UACA: variants seen among roughly 807,000 people sequenced by gnomAD.
UACA encodes nuclear membrane binding protein.
UACA carries 112 observed loss-of-function variants against 160.5 expected under a neutral mutation model. The observed-to-expected ratio is 0.70, with a 90% CI of 0.60 to 0.82. The LOEUF (loss-of-function observed/expected upper bound fraction) is 0.82, where lower values mean the gene tolerates loss of function less well. Ranked by LOEUF, UACA falls within the 40% of genes least tolerant of loss-of-function variation. The pLI, the probability that UACA is intolerant of heterozygous loss-of-function variation, is 0.00. For missense variants in UACA, 1,574 were observed against 1,614.6 expected, an observed-to-expected ratio of 0.97 and a Z score of 0.43; for synonymous variants, 557 against 568.4, an observed-to-expected ratio of 0.98 and a Z score of 0.29.
At chr15:70,747,491 TC>T (rs780083470) in intron 1 of UACA, among the ~76,000 whole-genome samples, 1 of 152,226 alleles carries the variant, frequency 6.6e-6, no homozygotes, top group South Asian at 2.1e-4. Context: ...TGCCTCAGCC[TC>T]CCAAGTAGCG....
chr15:70,743,375 A>G (rs1207007388), intron 1 of UACA, among the ~76,000 whole-genome samples: 1 of 152,242 alleles, frequency 6.6e-6, no homozygotes, highest in Non-Finnish European at 1.5e-5. Context: ...AATCATGGGC[A>G]TATTTCCTCA....
intron 7 of UACA, among the ~76,000 whole-genome samples, chr15:70,686,507 T>TTA (rs1897726830): frequency 1.8e-5 from 2 of 113,676 alleles, no homozygotes; most frequent in South Asian, 2.6e-4. Context: ...TTTTTTTTTT[T>TTA]ATACTTTAAG....
At chr15:70,702,018 T>G in intron 1 of UACA, 1 of 1,553,308 alleles carries the variant, frequency 6.4e-7, no homozygotes, top group Non-Finnish European at 8.7e-7. Flanking sequence ...TCCTGACAAG[T>G]GACTCAGTCC....
At chr15:70,754,987 T>C (rs1372414088) in intron 1 of UACA, among the ~76,000 whole-genome samples, 1 of 152,230 alleles carries the variant, frequency 6.6e-6, no homozygotes. Flanking sequence ...TCAATTTGAC[T>C]TCCTTTGCAT....
intron 1 of UACA, among the ~76,000 whole-genome samples, chr15:70,713,082 C>T (rs769474991): frequency 2.0e-5 from 3 of 152,136 alleles, no homozygotes; most frequent in Non-Finnish European, 2.9e-5. Flanking sequence ...CAGTGGCTCA[C>T]GCCTGTAATC....
rs1389271529 is a variant in UACA, at chr15:70,668,910, G to C, written c.1774C>G (p.Gln592Glu). 1 of 1,613,162 alleles carries C rather than the reference G, an allele frequency of 6.2e-7. No homozygotes were observed. The highest frequency in any genetic ancestry group is 1.3e-5 in the African/African-American group (1 of 74,784). The change falls in exon 16 of 19, where the codon CAG (glutamine) becomes GAG (glutamate). Residue 592 changes from glutamine to glutamate, a missense_variant. By Grantham distance (29) the Gln-to-Glu change is conservative. Transcript: ENST00000322954. ...ATTTCACACATACTAAGTTCCTTCT[G>C]TAATCGCTTATTTTCTTCTATCAGC... ...GKLIEENKRL[Q>E]KELSMCEMER...
At chr15:70,694,625 A>T (rs1008501721) in intron 3 of UACA, among the ~76,000 whole-genome samples, 1 of 152,174 alleles carries the variant, frequency 6.6e-6, no homozygotes, top group African/African-American at 2.4e-5. Flanking sequence ...TGTTATATAC[A>T]TGTCAGCTAT....
At chr15:70,695,275 T>C (rs1898089995) in intron 2 of UACA, among the ~76,000 whole-genome samples, 170 bp from the exon 3 acceptor site, 1 of 152,022 alleles carries the variant, frequency 6.6e-6, no homozygotes, top group Non-Finnish European at 1.5e-5. Context: ...AAAAGAAACC[T>C]ATCTCATTTA....
chr15:70,772,815 G>A, the UACA span, among the ~76,000 whole-genome samples: 1 of 152,166 alleles, frequency 6.6e-6, no homozygotes, highest in Non-Finnish European at 1.5e-5. Flanking sequence ...AAGGCTGGGT[G>A]TGGTGGCTCA....
intron 1 of UACA, among the ~76,000 whole-genome samples, chr15:70,705,292 GC>G (rs1243594009): frequency 1.3e-5 from 2 of 152,086 alleles, no homozygotes; most frequent in Non-Finnish European, 2.9e-5. Context: ...ACTTTGAGAG[GC>G]CAAAGCAGGC....
intron 4 of UACA, 101 bp downstream of exon 4, chr15:70,691,197 GT>G (rs1897921905): frequency 2.6e-6 from 2 of 775,222 alleles, no homozygotes; most frequent in Non-Finnish European, 4.1e-6. Context: ...GTCAAAGTTA[GT>G]TTACTATTCT....
At chr15:70,740,809 A>G (rs1229823667) in intron 1 of UACA, among the ~76,000 whole-genome samples, 1 of 152,136 alleles carries the variant, frequency 6.6e-6, no homozygotes, top group Non-Finnish European at 1.5e-5. Flanking sequence ...TAGGAGGCCC[A>G]GGCGGGCAGA....
intron 17 of UACA, among the ~76,000 whole-genome samples, chr15:70,664,132 A>C (rs1451723759): frequency 1.3e-5 from 2 of 152,222 alleles, no homozygotes; most frequent in African/African-American, 4.8e-5. Context: ...GGCAGGACTT[A>C]GACCAGACCT....
At chr15:70,747,455 A>C (rs1237784137) in intron 1 of UACA, among the ~76,000 whole-genome samples, 2 of 151,928 alleles carry the variant, frequency 1.3e-5, no homozygotes, top group Non-Finnish European at 2.9e-5. Context: ...CTTCAGCCTC[A>C]ACCTCCTAAA....
chr15:70,678,484 T>C (rs1387033310), intron 10 of UACA, among the ~76,000 whole-genome samples: 1 of 152,162 alleles, frequency 6.6e-6, no homozygotes, highest in Non-Finnish European at 1.5e-5. Context: ...AAAAAGCATC[T>C]AGACACAGAA....
intron 1 of UACA, among the ~76,000 whole-genome samples, chr15:70,719,520 T>C (rs932051968): frequency 6.6e-6 from 1 of 152,200 alleles, no homozygotes; most frequent in Non-Finnish European, 1.5e-5. Context: ...AGGATGTAGC[T>C]ACTGGCACAT....
chr15:70,720,162 C>G (rs187555487), intron 1 of UACA, among the ~76,000 whole-genome samples: 32 of 152,278 alleles, frequency 2.1e-4, no homozygotes, highest in Admixed American at 9.2e-4. Flanking sequence ...ATGCCTGCTT[C>G]CCCTTCACCT....
intron 1 of UACA, chr15:70,701,837 C>T: frequency 6.4e-7 from 1 of 1,572,762 alleles, no homozygotes; most frequent in East Asian, 2.3e-5. Context: ...GAAAGTCTAA[C>T]CAAGAATCTT....
At chr15:70,748,065 A>T (rs1422340492) in intron 1 of UACA, among the ~76,000 whole-genome samples, 1 of 152,136 alleles carries the variant, frequency 6.6e-6, no homozygotes, top group Non-Finnish European at 1.5e-5. Context: ...ATAGTACTGT[A>T]TGTATACACC....
Sources: gnomAD v4.1 joint callset for allele counts (sites outside exome capture counted in the v4.1 genomes callset) on GRCh38, gnomAD v4.1.1 for gene constraint, MANE v1.5 for transcripts, NCBI Gene and HGNC (gene_info 2026-07-23, HGNC 2026-07-21) for gene names.